Variants in KATNIP observed in about 807,000 individuals in gnomAD.
KATNIP encodes the protein katanin interacting protein, also known as katanin-interacting protein.
A neutral mutation model predicts 174.0 loss-of-function variants in KATNIP; 126 were observed. That is an observed-to-expected ratio of 0.72 (90% confidence interval 0.63 to 0.84). The LOEUF is 0.84. KATNIP is among the 40% of genes least tolerant of loss of function. The probability of loss-of-function intolerance (pLI) is 0.00; values close to 1 mark genes in which losing one functional copy is unlikely to be tolerated. For synonymous variants in KATNIP, 810 were observed against 835.7 expected (o/e 0.97, Z 0.53); for missense variants, 1,958 against 2,109.7 (o/e 0.93, Z 1.41).
intron 2 of KATNIP, among the ~76,000 whole-genome samples, chr16:27,591,892 C>T (rs755730745): frequency 5.3e-5 from 8 of 152,144 alleles, no homozygotes; most frequent in Non-Finnish European, 1.0e-4. Context: ...TGTAGAGGAC[C>T]TTTACCTTGG....
In KATNIP at chr16:27,773,170, TATGACG is replaced by T; in HGVS notation, c.4272_4277del (p.Tyr1424_Glu1426delinsTer). 6.2e-7 allele frequency: 1 copy of T among 1,612,322 alleles called. No homozygotes were observed. The highest frequency in any genetic ancestry group is 2.2e-5 in the East Asian group (1 of 44,874). The stretch of plus-strand genomic sequence containing the variant: ...CATCGGCCTCACCGGCCTGGAGCTG[TATGACG>T]AGCGAGGAGAAAAAATCCCCTTGTC... On this transcript the variant is annotated stop_gained and inframe_deletion, in exon 23 of 28. Coordinates refer to ENST00000261588, the MANE Select transcript of KATNIP (RefSeq NM_015202.5). LOFTEE classifies it high-confidence loss of function.
chr16:27,629,055 C>T (rs534082655), intron 4 of KATNIP, among the ~76,000 whole-genome samples: 79 of 151,762 alleles, frequency 5.2e-4, no homozygotes, highest in African/African-American at 1.9e-3. Flanking sequence ...GTAGTCCCAG[C>T]TACTGAGGAG....
chr16:27,613,028 G>A (rs557965208), intron 2 of KATNIP, among the ~76,000 whole-genome samples: 87 of 152,156 alleles, frequency 5.7e-4, no homozygotes, highest in South Asian at 4.2e-4. Flanking sequence ...GGAGGCTGAG[G>A]CAAGTGGGTC....
At chr16:27,568,217 T>G (rs1210884265) in intron 1 of KATNIP, among the ~76,000 whole-genome samples, 1 of 152,220 alleles carries the variant, frequency 6.6e-6, no homozygotes, top group African/African-American at 2.4e-5. Context: ...GCTTGCTCAT[T>G]CTTTCAGCTT....
chr16:27,615,970 T>C (rs934236932), intron 2 of KATNIP, among the ~76,000 whole-genome samples: 1 of 152,204 alleles, frequency 6.6e-6, no homozygotes, highest in African/African-American at 2.4e-5. Flanking sequence ...CTGATACAAA[T>C]GCCCTACTTG....
At chr16:27,598,589 C>A (rs976172060) in intron 2 of KATNIP, among the ~76,000 whole-genome samples, 1 of 152,102 alleles carries the variant, frequency 6.6e-6, no homozygotes, top group Non-Finnish European at 1.5e-5. Flanking sequence ...TCGGGTCTGG[C>A]CTGTTTGAAT....
intron 2 of KATNIP, among the ~76,000 whole-genome samples, chr16:27,616,305 G>A (rs1759576968): frequency 1.3e-5 from 2 of 152,206 alleles, no homozygotes; most frequent in Non-Finnish European, 2.9e-5. Flanking sequence ...AGAGGTTGCA[G>A]TGAGCCAAGA....
In KATNIP at chr16:27,740,088, C is replaced by T; in HGVS notation, c.1791C>T (p.Asn597=). Residue 597 remains asparagine, a synonymous_variant, in exon 15 of 28, where the codon AAC becomes AAT. Coordinates refer to ENST00000261588, the MANE Select transcript of KATNIP (RefSeq NM_015202.5). ...AKNVKLYVNR[N]LIFNGKLDKG... The stretch of plus-strand genomic sequence containing the variant: ...ACGTGAAGCTTTACGTCAACAGAAA[C>T]CTCATCTTCAATGGCAAGTTAGACA... 1 of 1,614,138 alleles carries T rather than the reference C, an allele frequency of 6.2e-7. No homozygotes were observed. The highest frequency in any genetic ancestry group is 1.1e-5 in the South Asian group (1 of 91,052).
At chr16:27,688,141 A>G (rs778675826) in intron 8 of KATNIP, among the ~76,000 whole-genome samples, 2 of 152,166 alleles carry the variant, frequency 1.3e-5, no homozygotes, top group Non-Finnish European at 2.9e-5. Flanking sequence ...GCCAATTAAA[A>G]CACAGATTGT....
intron 6 of KATNIP, among the ~76,000 whole-genome samples, chr16:27,657,222 A>T (rs2077326788): frequency 6.6e-6 from 1 of 152,140 alleles, no homozygotes; most frequent in African/African-American, 2.4e-5. Flanking sequence ...ATGTGTGTAC[A>T]TATTGAGAAG....
chr16:27,615,646 G>A (rs886827101), intron 2 of KATNIP, among the ~76,000 whole-genome samples: 1 of 152,074 alleles, frequency 6.6e-6, no homozygotes, highest in African/African-American at 2.4e-5. Context: ...GAGCCACTGT[G>A]CCCGGCCTGT....
At chr16:27,573,503 G>A (rs2090378936) in intron 1 of KATNIP, among the ~76,000 whole-genome samples, 1 of 152,192 alleles carries the variant, frequency 6.6e-6, no homozygotes, top group Admixed American at 6.5e-5. Flanking sequence ...GCAGCACGTT[G>A]GTATGCTCTC....
intron 18 of KATNIP, among the ~76,000 whole-genome samples, chr16:27,759,119 A>T (rs1300518642): frequency 6.6e-6 from 1 of 152,250 alleles, no homozygotes; most frequent in Non-Finnish European, 1.5e-5. Flanking sequence ...TACTAAAAAC[A>T]TTCATTGAAC....
At chr16:27,771,523 G>T in intron 21 of KATNIP, 65 bp from the exon 22 acceptor site, 1 of 1,505,162 alleles carries the variant, frequency 6.6e-7, no homozygotes, top group South Asian at 1.2e-5. Context: ...TTACCTAGGG[G>T]GTAACTGGCT....
At chr16:27,631,269 T>A in intron 5 of KATNIP, 107 bp downstream of exon 5, 1 of 849,084 alleles carries the variant, frequency 1.2e-6, no homozygotes, top group Non-Finnish European at 1.9e-6. Context: ...CCAGGCACAG[T>A]GGCTCCTTTA....
At chr16:27,558,171 A>C (rs2089708134) in intron 1 of KATNIP, among the ~76,000 whole-genome samples, 1 of 152,028 alleles carries the variant, frequency 6.6e-6, no homozygotes, top group Non-Finnish European at 1.5e-5. Flanking sequence ...TTTTAGATAG[A>C]GTCTTGTTCT....
At chr16:27,586,174 A>G (rs2090890371) in intron 2 of KATNIP, among the ~76,000 whole-genome samples, 1 of 152,192 alleles carries the variant, frequency 6.6e-6, no homozygotes, top group Non-Finnish European at 1.5e-5. Context: ...GCTTGAGGGG[A>G]TGGATACCCC....
chr16:27,667,584 T>A (rs1272348153), intron 6 of KATNIP, among the ~76,000 whole-genome samples: 1 of 151,992 alleles, frequency 6.6e-6, no homozygotes, highest in East Asian at 1.9e-4. Context: ...AGGGGGTTGG[T>A]TGGGGAGGTC....
At chr16:27,765,387 G>A (rs543835039) in intron 19 of KATNIP, among the ~76,000 whole-genome samples, 13 of 152,230 alleles carry the variant, frequency 8.5e-5, no homozygotes, top group Non-Finnish European at 1.3e-4. Flanking sequence ...ACAGGAGTGC[G>A]ATAGGGCTGA....
Sources: gnomAD v4.1 joint callset for allele counts (sites outside exome capture counted in the v4.1 genomes callset) on GRCh38, gnomAD v4.1.1 for gene constraint, MANE v1.5 for transcripts, NCBI Gene and HGNC (gene_info 2026-07-23, HGNC 2026-07-21) for gene names.